Variants in NFIB observed in about 807,000 individuals in gnomAD.
NFIB encodes the protein nuclear factor I B.
NFIB carries 11 observed loss-of-function variants against 61.5 expected under a neutral mutation model. The ratio of observed to expected loss-of-function variants is 0.18; its 90% CI spans 0.11 to 0.30. The LOEUF is 0.30. NFIB is among the 10% of genes least tolerant of loss of function. The pLI is 1.00. For synonymous variants in NFIB, 260 were observed against 216.5 expected, an observed-to-expected ratio of 1.20 and a Z score of -1.76; for missense variants, 471 against 608.9, an observed-to-expected ratio of 0.77 and a Z score of 2.38.
intron 2 of NFIB, among the ~76,000 whole-genome samples, chr9:14,251,665 G>A (rs961361517): frequency 6.6e-6 from 1 of 152,186 alleles, no homozygotes; most frequent in Non-Finnish European, 1.5e-5. Context: ...CACCACGGCC[G>A]AGGGGCCACT....
intron 10 of NFIB, among the ~76,000 whole-genome samples, chr9:14,090,275 T>A (rs1587066263): frequency 6.6e-6 from 1 of 152,108 alleles, no homozygotes; most frequent in Admixed American, 6.6e-5. Context: ...AAATCGTAAC[T>A]CTTAAGAATA....
chr9:14,107,064 C>A (rs746135890), intron 10 of NFIB, among the ~76,000 whole-genome samples: 108 of 151,924 alleles, frequency 7.1e-4, no homozygotes, highest in Non-Finnish European at 1.3e-3. Flanking sequence ...TTTCTCCAGA[C>A]CCTCAATGAA....
At chr9:14,150,107 G>T in intron 5 of NFIB, 38 bp downstream of exon 5, 1 of 1,612,306 alleles carries the variant, frequency 6.2e-7, no homozygotes, top group Non-Finnish European at 8.5e-7. Flanking sequence ...ACCTATGTGT[G>T]TATCACTTGA....
At chr9:14,135,503 T>C (rs2040939325) in intron 6 of NFIB, among the ~76,000 whole-genome samples, 1 of 152,160 alleles carries the variant, frequency 6.6e-6, no homozygotes, top group Non-Finnish European at 1.5e-5. Context: ...AGATGTAAAA[T>C]TTTATGATTG....
At chr9:14,271,205 C>A (rs1158848329) in intron 2 of NFIB, among the ~76,000 whole-genome samples, 3 of 140,426 alleles carry the variant, frequency 2.1e-5, no homozygotes, top group Non-Finnish European at 4.6e-5. Flanking sequence ...TACTTCTCCT[C>A]CCCCTTCTCC....
At chr9:14,388,394 A>G (rs571863390) in intron 1 of NFIB, among the ~76,000 whole-genome samples, 5 of 11,894 alleles carry the variant, frequency 4.2e-4, no homozygotes, top group East Asian at 2.5e-3. Context: ...GAAGGAAGGA[A>G]GGAAGGAAGG....
At chr9:14,443,007 A>T in the NFIB span, among the ~76,000 whole-genome samples, 2 of 151,446 alleles carry the variant, frequency 1.3e-5, no homozygotes, top group Non-Finnish European at 2.9e-5. Flanking sequence ...TCTTTCACAG[A>T]TCTTTAAATC....
chr9:14,381,526 T>C (rs1261120999), intron 1 of NFIB, among the ~76,000 whole-genome samples: 1 of 152,232 alleles, frequency 6.6e-6, no homozygotes, highest in African/African-American at 2.4e-5. Context: ...ATTTTTTAAA[T>C]AGTAATTATC....
At chr9:14,450,985 T>G in the NFIB span, among the ~76,000 whole-genome samples, 1 of 152,220 alleles carries the variant, frequency 6.6e-6, no homozygotes, top group South Asian at 2.1e-4. Flanking sequence ...CAAACGAGAC[T>G]CACAGAAATC....
chr9:14,261,389 AC>A (rs1458136458), intron 2 of NFIB, among the ~76,000 whole-genome samples: 1 of 152,128 alleles, frequency 6.6e-6, no homozygotes, highest in Non-Finnish European at 1.5e-5. Context: ...CACATCTCAA[AC>A]CTTTTGTTTG....
At chr9:14,145,477 G>C (rs1236453271) in intron 6 of NFIB, among the ~76,000 whole-genome samples, 1 of 151,948 alleles carries the variant, frequency 6.6e-6, no homozygotes, top group Non-Finnish European at 1.5e-5. Flanking sequence ...ATGGCACTCG[G>C]TATAAAAAAT....
rs1052896861 is a variant in NFIB at position 14,289,173 on chromosome 9, A to G, written c.562+17816T>C. Among the ~76,000 whole-genome samples the G allele has an allele frequency of 2.0e-4, 30 of 147,606 alleles. 2 individuals are homozygous for G. The highest frequency in any genetic ancestry group is 6.0e-5 in the Non-Finnish European group (4 of 67,202). On this transcript the variant is annotated intron_variant, in intron 2 of 10. Transcript: ENST00000380953. ...ATATATTTGGTATGCCAAATATATA[A>G]TATTTACCAAAATATATAATATATA...
chr9:14,135,019 A>G (rs550336290), intron 6 of NFIB, among the ~76,000 whole-genome samples: 1 of 152,192 alleles, frequency 6.6e-6, no homozygotes, highest in East Asian at 1.9e-4. Context: ...GCAAAAATAC[A>G]TTCATAGAAA....
rs145186633 is a variant in NFIB, at chr9:14,171,378, T to G, written c.616+8349A>C. Among the ~76,000 whole-genome samples the G allele has an allele frequency of 7.8e-3, 1,188 of 152,264 alleles. 9 individuals carry two copies. Among genetic ancestry groups the G allele is most frequent in the Non-Finnish European group, 0.012 (788 of 68,022 alleles). On this transcript the variant is annotated intron_variant, in intron 3 of 10. Coordinates refer to ENST00000380953, the MANE Select transcript of NFIB (RefSeq NM_001190737.2). ...GCATCTTATATTCCCTGGGAAGGGG[T>G]AGACATCTCTGACTCCACTATGACT...
intron 10 of NFIB, among the ~76,000 whole-genome samples, chr9:14,091,104 A>C (rs1023062004): frequency 2.0e-5 from 3 of 152,182 alleles, no homozygotes; most frequent in East Asian, 1.9e-4. Flanking sequence ...ATATTTGTCA[A>C]TACTGTTTAT....
the NFIB span, among the ~76,000 whole-genome samples, chr9:14,493,809 T>C: frequency 6.6e-6 from 1 of 152,254 alleles, no homozygotes; most frequent in Non-Finnish European, 1.5e-5. Flanking sequence ...TCCCTCCTTG[T>C]TCTTCTCCTT....
chr9:14,307,230 G>C lies in NFIB; in HGVS notation c.321C>G (p.Ser107=). 6.2e-7 allele frequency: 1 copy of C among 1,614,032 alleles called. No individual in the cohort carries two copies. Among genetic ancestry groups the C allele is most frequent in the Non-Finnish European group, 8.5e-7 (1 of 1,180,026 alleles). The change falls in exon 2 of 11, where the codon TCC becomes TCG. Residue 107 remains serine (S), a synonymous_variant. Transcript: ENST00000380953. The surrounding 1 kb of genome is among the most constrained non-coding windows in gnomAD (Gnocchi z 5.3). ...TGKKHPCCVL[S]NPDQKGKIRR... is the part of the protein sequence containing the mutation. Reference sequence around the variant, plus strand: ...TAATCTTACCCTTCTGGTCGGGATTGGATAAGACACAGCACGGGTGCTTCT... The same window carrying C: ...TAATCTTACCCTTCTGGTCGGGATTCGATAAGACACAGCACGGGTGCTTCT...
At chr9:14,352,905 C>T (rs956216318) in intron 1 of NFIB, among the ~76,000 whole-genome samples, 3 of 152,098 alleles carry the variant, frequency 2.0e-5, no homozygotes, top group Admixed American at 1.3e-4. Flanking sequence ...GCATTGTGTC[C>T]GTTTGTGTCT....
At chr9:14,241,218 G>C (rs2054310836) in intron 2 of NFIB, among the ~76,000 whole-genome samples, 1 of 152,202 alleles carries the variant, frequency 6.6e-6, no homozygotes, top group African/African-American at 2.4e-5. Context: ...CAATAGTTAT[G>C]TATGCATAAC....
Sources: gnomAD v4.1 joint callset for allele counts (sites outside exome capture counted in the v4.1 genomes callset) on GRCh38, gnomAD v4.1.1 for gene constraint, Gnocchi (gnomAD v3.1) non-coding constraint, MANE v1.5 for transcripts, NCBI Gene and HGNC (gene_info 2026-07-23, HGNC 2026-07-21) for gene names.